CNOT4: variants seen among roughly 807,000 people sequenced by gnomAD.
CNOT4 encodes the protein CCR4-NOT transcription complex subunit 4.
In CNOT4, 8 loss-of-function variants were observed where a neutral mutation model predicts 73.8. The ratio of observed to expected loss-of-function variants is 0.11; its 90% CI spans 0.06 to 0.20. The LOEUF is 0.20. CNOT4 is among the 10% of genes least tolerant of loss of function. The probability of loss-of-function intolerance (pLI) is 1.00; values close to 1 mark genes in which losing one functional copy is unlikely to be tolerated. For missense variants in CNOT4, 564 were observed against 883.4 expected, an observed-to-expected ratio of 0.64 and a Z score of 4.58; for synonymous variants, 293 against 321.1, an observed-to-expected ratio of 0.91 and a Z score of 0.94.
rs1585534478 is a variant in CNOT4 at position 135,363,696 on chromosome 7, A to T, written c.1840+158T>A. Among the ~76,000 whole-genome samples the T allele has an allele frequency of 6.6e-6, 1 of 152,228 alleles. No individual in the cohort carries two copies. The highest frequency in any genetic ancestry group is 2.4e-5 in the African/African-American group (1 of 41,468). ...AATACACAACTAGGCCGACAGGTTA[A>T]ATGAGACTTGCATGACCCCTGAGAA... is the stretch of plus-strand genomic sequence containing the variant. On this transcript the variant is annotated intron_variant, in intron 11 of 11. Coordinates refer to ENST00000541284, the MANE Select transcript of CNOT4 (RefSeq NM_001190850.2). The surrounding 1 kb of genome is among the most constrained non-coding windows in gnomAD (Gnocchi z 4.3).
chr7:135,423,159 A>C (rs1255641566), intron 2 of CNOT4, among the ~76,000 whole-genome samples: 1 of 152,220 alleles, frequency 6.6e-6, no homozygotes, highest in African/African-American at 2.4e-5. Context: ...GTTAATGATA[A>C]ATGGAAGATG....
intron 10 of CNOT4, among the ~76,000 whole-genome samples, chr7:135,383,642 G>A (rs967880451): frequency 3.3e-5 from 5 of 152,142 alleles, no homozygotes; most frequent in South Asian, 2.1e-4. Context: ...TATATAGACG[G>A]TTACAAAAGA....
chr7:135,448,446 A>G (rs1231238550), intron 1 of CNOT4, among the ~76,000 whole-genome samples: 1 of 150,410 alleles, frequency 6.6e-6, no homozygotes, highest in Non-Finnish European at 1.5e-5. Flanking sequence ...AGGGAGGCTG[A>G]GGCAGGAGAA....
At chr7:135,419,324 G>C (rs1798047635) in intron 3 of CNOT4, among the ~76,000 whole-genome samples, 1 of 152,016 alleles carries the variant, frequency 6.6e-6, no homozygotes, top group Admixed American at 6.6e-5. Context: ...AAATTACAAG[G>C]ATCCTTCTTT....
intron 1 of CNOT4, among the ~76,000 whole-genome samples, chr7:135,484,491 T>C (rs1051208674): frequency 2.6e-5 from 4 of 152,118 alleles, no homozygotes; most frequent in Non-Finnish European, 5.9e-5. Flanking sequence ...CAGTCTTATT[T>C]TGTGCCTGTA....
chr7:135,385,404 C>T (rs1024020788), intron 10 of CNOT4, among the ~76,000 whole-genome samples: 10 of 152,184 alleles, frequency 6.6e-5, no homozygotes, highest in Middle Eastern at 6.3e-3. Flanking sequence ...GCAATGCCTC[C>T]GTGGGAGTAC....
intron 1 of CNOT4, among the ~76,000 whole-genome samples, chr7:135,490,800 C>T (rs1363114970): frequency 6.6e-6 from 1 of 152,184 alleles, no homozygotes; most frequent in Non-Finnish European, 1.5e-5. Flanking sequence ...CTTAAATTTT[C>T]AAAGGATCTT....
At chr7:135,479,182 A>G (rs1802194359) in intron 1 of CNOT4, among the ~76,000 whole-genome samples, 1 of 150,232 alleles carries the variant, frequency 6.7e-6, no homozygotes, top group South Asian at 2.1e-4. Context: ...GTCTCACCAA[A>G]GCCTATTAGA....
At chr7:135,507,461 TTTAGATATCTTC>T (rs1804451434) in intron 1 of CNOT4, among the ~76,000 whole-genome samples, 1 of 152,186 alleles carries the variant, frequency 6.6e-6, no homozygotes, top group South Asian at 2.1e-4. Flanking sequence ...GTTAAAGAAC[TTTAGATATCTTC>T]TTTAAACGTA....
chr7:135,387,910 ATTATC>A (rs1243842689), intron 10 of CNOT4: 1 of 958,774 alleles, frequency 1.0e-6, no homozygotes, highest in Non-Finnish European at 1.2e-6. Context: ...TACTTATAAT[ATTATC>A]TTATTATCAC....
chr7:135,402,995 TA>T (rs1224391845), intron 7 of CNOT4, among the ~76,000 whole-genome samples: 2 of 151,916 alleles, frequency 1.3e-5, no homozygotes, highest in Non-Finnish European at 2.9e-5. Context: ...GGGGGTGGAC[TA>T]AAAAAAAGTT....
intron 2 of CNOT4, among the ~76,000 whole-genome samples, chr7:135,434,761 T>C (rs1340265913): frequency 6.6e-6 from 1 of 152,200 alleles, no homozygotes; most frequent in African/African-American, 2.4e-5. Flanking sequence ...AGATTTCTAA[T>C]AGGAATCTCA....
chr7:135,417,261 G>A (rs1797922909), intron 3 of CNOT4, among the ~76,000 whole-genome samples: 1 of 152,286 alleles, frequency 6.6e-6, no homozygotes, highest in Non-Finnish European at 1.5e-5. Flanking sequence ...TGAAGAGTTT[G>A]CCTAATAAGC....
intron 1 of CNOT4, among the ~76,000 whole-genome samples, chr7:135,504,492 TTTTA>T (rs1309549214): frequency 9.3e-5 from 7 of 75,046 alleles, no homozygotes; most frequent in African/African-American, 4.6e-4. Flanking sequence ...TTTTTTTTAT[TTTTA>T]TTTTTTTTGA....
intron 1 of CNOT4, among the ~76,000 whole-genome samples, chr7:135,507,321 G>A (rs540652604): frequency 6.6e-6 from 1 of 152,160 alleles, no homozygotes; most frequent in African/African-American, 2.4e-5. Flanking sequence ...ACTCAACCTG[G>A]CAGAAAGTAT....
intron 10 of CNOT4, chr7:135,386,720 A>G (rs950348054): frequency 3.9e-5 from 6 of 152,208 alleles, no homozygotes; most frequent in Admixed American, 2.6e-4. Context: ...AATTGCCCAA[A>G]AAGCATTTCT....
At chr7:135,444,132 C>T (rs1448074032) in intron 1 of CNOT4, among the ~76,000 whole-genome samples, 3 of 147,850 alleles carry the variant, frequency 2.0e-5, no homozygotes, top group Non-Finnish European at 3.0e-5. Context: ...GACAGTGAAA[C>T]CCTGTTTCAA....
intron 1 of CNOT4, among the ~76,000 whole-genome samples, chr7:135,457,401 C>A (rs1029006852): frequency 2.6e-5 from 4 of 152,030 alleles, no homozygotes; most frequent in African/African-American, 9.7e-5. Flanking sequence ...GAAAGTAACA[C>A]CAATGCATGC....
In CNOT4 at chr7:135,388,788, C is replaced by G. The variant is rs769898111; in HGVS notation, c.1627+5130G>C. 6.2e-6 allele frequency: 10 copies of G among 1,611,902 alleles called. No homozygotes were observed. In the East Asian group the frequency reaches 2.0e-4, roughly 32 times the overall value. On this transcript the variant is annotated intron_variant, in intron 10 of 11. Coordinates refer to ENST00000541284, the MANE Select transcript of CNOT4 (RefSeq NM_001190850.2). ...AGAGTCTAATCCTCTCCTCTCAGTT[C>G]TGTTGTCAGGCCACAGTAGTGTGGA...
Sources: gnomAD v4.1 joint callset for allele counts (sites outside exome capture counted in the v4.1 genomes callset) on GRCh38, gnomAD v4.1.1 for gene constraint, Gnocchi (gnomAD v3.1) non-coding constraint, MANE v1.5 for transcripts, NCBI Gene and HGNC (gene_info 2026-07-23, HGNC 2026-07-21) for gene names.